The following RAB38 variants were observed in gnomAD, a reference collection of about 807,000 sequenced individuals.
RAB38 encodes ras-related protein Rab-38.
In RAB38, 15 loss-of-function variants were observed where a neutral mutation model predicts 18.4. The observed-to-expected ratio is 0.82, with a 90% confidence interval of 0.55 to 1.26. RAB38 has a LOEUF of 1.26. Among genes scored for constraint, RAB38 ranks in the 50% most tolerant of loss-of-function variants. The probability of loss-of-function intolerance (pLI) is 0.00; values close to 1 mark genes in which losing one functional copy is unlikely to be tolerated. For synonymous variants in RAB38, 101 were observed against 104.4 expected, an observed-to-expected ratio of 0.97 and a Z score of 0.20; for missense variants, 294 against 267.4, an observed-to-expected ratio of 1.10 and a Z score of -0.69.
the RAB38 span, among the ~76,000 whole-genome samples, chr11:88,096,568 A>G: frequency 2.6e-5 from 4 of 152,012 alleles, no homozygotes; most frequent in African/African-American, 7.2e-5. Context: ...TTTGCTTTAT[A>G]CACTGCTTTA....
chr11:88,066,946 C>G, the RAB38 span, among the ~76,000 whole-genome samples: 1 of 152,180 alleles, frequency 6.6e-6, no homozygotes, highest in Admixed American at 6.5e-5. Flanking sequence ...TGGTTCCACT[C>G]TAGTGATGTC....
the RAB38 span, among the ~76,000 whole-genome samples, chr11:87,962,694 T>G: frequency 3.3e-5 from 5 of 152,330 alleles, no homozygotes; most frequent in East Asian, 9.6e-4. Context: ...TGGATAGCAC[T>G]GAGACGTCCC....
chr11:87,861,291 G>A, the RAB38 span, among the ~76,000 whole-genome samples: 3 of 151,956 alleles, frequency 2.0e-5, no homozygotes, highest in Non-Finnish European at 2.9e-5. Context: ...AAAAATTAAA[G>A]TTGAACAATG....
At chr11:88,032,462 A>T in the RAB38 span, among the ~76,000 whole-genome samples, 1 of 152,216 alleles carries the variant, frequency 6.6e-6, no homozygotes, top group African/African-American at 2.4e-5. Context: ...AATGGGAGAA[A>T]ATTTTTGCAA....
chr11:88,089,995 C>G, the RAB38 span, among the ~76,000 whole-genome samples: 68,715 of 151,520 alleles, frequency 0.45, 15,928 homozygotes, highest in South Asian at 0.53. Flanking sequence ...CACCTCAGAA[C>G]TGGGGGACTA....
chr11:87,840,054 C>T, the RAB38 span, among the ~76,000 whole-genome samples: 2 of 151,900 alleles, frequency 1.3e-5, no homozygotes, highest in Admixed American at 6.6e-5. Context: ...CCTTAGGCAA[C>T]AGGAAAATAA....
chr11:88,158,109 T>C (rs1022040518), intron 1 of RAB38, among the ~76,000 whole-genome samples: 2 of 151,990 alleles, frequency 1.3e-5, no homozygotes, highest in Non-Finnish European at 2.9e-5. Context: ...TTACAACTGA[T>C]CCCACAGAAA....
chr11:88,013,543 A>T, the RAB38 span, among the ~76,000 whole-genome samples: 1 of 152,176 alleles, frequency 6.6e-6, no homozygotes, highest in Non-Finnish European at 1.5e-5. Flanking sequence ...GTTCTAGCTG[A>T]TTCAAAATCT....
In RAB38 at chr11:88,175,296, A is replaced by G; in HGVS notation, c.89T>C (p.Val30Ala). 6.2e-7 allele frequency: 1 copy of G among 1,614,180 alleles called. No individual in the cohort carries two copies. Among genetic ancestry groups the G allele is most frequent in the Non-Finnish European group, 8.5e-7 (1 of 1,180,018 alleles). The part of the protein sequence containing the change: ...VGKTSIIKRY[V>A]HQNFSSHYRA... The stretch of plus-strand genomic sequence containing the variant: ...GTAGTGCGAAGAGAAGTTCTGGTGC[A>G]CGTAGCGCTTGATGATACTGGTCTT... The change falls in exon 1 of 3, where the codon GTG becomes GCG. Residue 30 changes from valine (V) to alanine (A), a missense_variant. By Grantham distance (64) the Val-to-Ala change is moderately conservative. Transcript: ENST00000243662.
the RAB38 span, among the ~76,000 whole-genome samples, chr11:87,909,681 G>A: frequency 6.6e-6 from 1 of 151,898 alleles, no homozygotes; most frequent in Non-Finnish European, 1.5e-5. Context: ...CATTCATACA[G>A]TATATGCTCT....
At chr11:87,959,361 T>C in the RAB38 span, among the ~76,000 whole-genome samples, 1 of 152,128 alleles carries the variant, frequency 6.6e-6, no homozygotes, top group African/African-American at 2.4e-5. Flanking sequence ...AATAAGGACA[T>C]TGAATCTCAA....
the RAB38 span, among the ~76,000 whole-genome samples, chr11:87,886,824 G>GTT: frequency 2.8e-3 from 384 of 138,864 alleles, 4 homozygotes; most frequent in Non-Finnish European, 3.2e-3. Flanking sequence ...TGAAGCACTT[G>GTT]TTTTTTTTTT....
At chr11:88,140,584 G>C (rs1314266799) in intron 2 of RAB38, among the ~76,000 whole-genome samples, 1 of 152,202 alleles carries the variant, frequency 6.6e-6, no homozygotes, top group Non-Finnish European at 1.5e-5. Flanking sequence ...GTAAGGTATA[G>C]GAGAGACTGT....
the RAB38 span, among the ~76,000 whole-genome samples, chr11:88,007,434 C>T: frequency 6.6e-6 from 1 of 151,844 alleles, no homozygotes; most frequent in East Asian, 1.9e-4. Context: ...AATAAGTTGC[C>T]ACAAGTTTTG....
chr11:87,897,564 G>C, the RAB38 span, among the ~76,000 whole-genome samples: 2 of 151,544 alleles, frequency 1.3e-5, no homozygotes, highest in African/African-American at 4.8e-5. Flanking sequence ...AAAAGCAGCA[G>C]AAATATTTGT....
At chr11:88,056,837 ATAC>A in the RAB38 span, among the ~76,000 whole-genome samples, 56 of 43,742 alleles carry the variant, frequency 1.3e-3, no homozygotes, top group African/African-American at 2.1e-3. Context: ...AAATAAATAC[ATAC>A]ATACATACAT....
At chr11:87,829,726 CAAAT>C in the RAB38 span, among the ~76,000 whole-genome samples, 5 of 152,068 alleles carry the variant, frequency 3.3e-5, no homozygotes, top group Non-Finnish European at 5.9e-5. Context: ...TTTTAAAAAA[CAAAT>C]AAATTTAGGG....
rs201529459 is a variant in RAB38 at position 88,155,715 on chromosome 11, T to TA, written c.203-5761dup. Among the ~76,000 whole-genome samples, 869 of 152,234 alleles carry TA rather than the reference T, an allele frequency of 5.7e-3. 4 individuals carry two copies. Among genetic ancestry groups the TA allele is most frequent in the African/African-American group, 0.02 (832 of 41,562 alleles). On this transcript the variant is annotated intron_variant, in intron 1 of 2. Transcript: ENST00000243662. The stretch of plus-strand genomic sequence containing the variant: ...AAAATAGAAACTCAGAAGTGACAGA[T>TA]AAAGAATTCAAATCATGGATTGCAA...
the RAB38 span, among the ~76,000 whole-genome samples, chr11:87,863,797 C>T: frequency 6.6e-6 from 1 of 151,742 alleles, no homozygotes; most frequent in Non-Finnish European, 1.5e-5. Flanking sequence ...TGCAACCTAG[C>T]CTCACTGACT....
Sources: gnomAD v4.1 joint callset for allele counts (sites outside exome capture counted in the v4.1 genomes callset) on GRCh38, gnomAD v4.1.1 for gene constraint, MANE v1.5 for transcripts, NCBI Gene and HGNC (gene_info 2026-07-23, HGNC 2026-07-21) for gene names.